The following SGSM2 variants were observed in gnomAD, a reference collection of about 807,000 sequenced individuals.
The protein encoded by SGSM2 is RUN and TBC1 domain containing 1.
A neutral mutation model predicts 126.6 loss-of-function variants in SGSM2; 89 were observed. The observed-to-expected ratio is 0.70, with a 90% CI of 0.59 to 0.84. The LOEUF (loss-of-function observed/expected upper bound fraction) is 0.84. Among genes scored for constraint, SGSM2 ranks in the 40% least tolerant of loss-of-function variants. SGSM2 has a pLI of 0.00. For synonymous variants in SGSM2, 614 were observed against 574.3 expected, an observed-to-expected ratio of 1.07 and a Z score of -0.99; for missense variants, 1,404 against 1,416.6, an observed-to-expected ratio of 0.99 and a Z score of 0.14.
rs1250178790 is a variant in SGSM2, at chr17:2,376,797, C to T, written c.2674C>T (p.Leu892=). Residue 892 remains leucine (L), a synonymous_variant, in exon 20 of 24, where the codon CTG becomes TTG. Coordinates refer to ENST00000268989, the MANE Select transcript of SGSM2 (RefSeq NM_014853.3). ...QGMCDLLAPL[L]VTLDNDQLAY... ...CATGTGCGATCTGCTGGCGCCTCTC[C>T]TGGTCACCCTCGACAATGGTGAGGG... 6.2e-7 allele frequency: 1 copy of T among 1,614,014 alleles called. No individual in the cohort carries two copies. Among genetic ancestry groups the T allele is most frequent in the Non-Finnish European group, 8.5e-7 (1 of 1,180,042 alleles).
intron 2 of SGSM2, among the ~76,000 whole-genome samples, chr17:2,344,432 G>A (rs950033762): frequency 1.3e-5 from 2 of 152,188 alleles, no homozygotes; most frequent in Admixed American, 1.3e-4. Context: ...TGGGGTTTGT[G>A]GAGGGAAAAT....
chr17:2,344,123 A>G (rs1179097717), intron 2 of SGSM2, among the ~76,000 whole-genome samples: 1 of 152,138 alleles, frequency 6.6e-6, no homozygotes, highest in Non-Finnish European at 1.5e-5. Flanking sequence ...ACTGGATGCA[A>G]AGGAGCCTGA....
chr17:2,347,409 A>ATT lies in SGSM2; in HGVS notation c.133+3806_133+3807dup, dbSNP rs370675318. On this transcript the variant is annotated intron_variant, in intron 2 of 23. Transcript: ENST00000268989. ...GGTGTGAACCATCACACCCGGCCTC[A>ATT]TTTTTTTTTTTTTTTTTTAAACAAA... Among the ~76,000 whole-genome samples the ATT allele has an allele frequency of 5.0e-4, 65 of 131,302 alleles. No individual in the cohort carries two copies. The East Asian group carries it at 8.0e-3, about 16-fold the overall frequency. The allele number at this position is 131,302 out of a possible 152,430, so 86.1% of individuals were successfully genotyped here. A position where few individuals can be genotyped will look rare whatever the true frequency, so the allele number is the denominator to read the frequency against.
intron 19 of SGSM2, 47 bp downstream of exon 19, chr17:2,376,308 C>G (rs1224108935): frequency 1.3e-6 from 2 of 1,487,946 alleles, no homozygotes; most frequent in Admixed American, 3.9e-5. Flanking sequence ...ACCCTGCCGC[C>G]AGTTACTCTG....
Position 2,380,597 on chromosome 17 carries a change from G to A in SGSM2, c.*1077G>A, listed in dbSNP as rs144671526. ...ACCCCCTTGGAGGAGCTGTGTATGC[G>A]GGGGTGCCAGGAAGGGCATAGCTCC... is the stretch of plus-strand genomic sequence containing the variant. On this transcript the variant is annotated 3_prime_UTR_variant, in exon 24 of 24. Coordinates refer to ENST00000268989, the MANE Select transcript of SGSM2 (RefSeq NM_014853.3). 2.2e-3 allele frequency: 1,044 copies of A among 475,098 alleles called. 16 individuals are homozygous for A. In the Admixed American group the frequency reaches 0.029, roughly 13 times the overall value. The allele number at this position is 475,098 out of a possible 1,614,324, so 29.4% of individuals were successfully genotyped here.
Position 2,364,690 on chromosome 17 carries a change from G to C in SGSM2, c.1000+27G>C, listed in dbSNP as rs781286066. On this transcript the variant is annotated intron_variant, in intron 9 of 23. Transcript: ENST00000268989. The stretch of plus-strand genomic sequence containing the variant: ...TAAGCCTGCCTTGTCCTCGGCTCGG[G>C]TGGGAAGGGAGAGGCTGCCTTCTGC... 4 of 1,613,628 alleles carry C rather than the reference G, an allele frequency of 2.5e-6. No homozygotes were observed. In the African/African-American group the frequency reaches 5.3e-5, roughly 22 times the overall value.
intron 2 of SGSM2, among the ~76,000 whole-genome samples, chr17:2,353,611 A>T (rs1353220510): frequency 2.0e-5 from 3 of 152,030 alleles, no homozygotes; most frequent in Non-Finnish European, 4.4e-5. Context: ...AAAAATTTTT[A>T]AAAATTAGCC....
intron 2 of SGSM2, among the ~76,000 whole-genome samples, chr17:2,344,970 C>T (rs1378471440): frequency 6.6e-6 from 1 of 152,172 alleles, no homozygotes; most frequent in African/African-American, 2.4e-5. Flanking sequence ...CCTCCTTTGG[C>T]TGTTGAGGCT....
At chr17:2,368,915 G>A (rs951919065) in intron 12 of SGSM2, among the ~76,000 whole-genome samples, 1 of 152,178 alleles carries the variant, frequency 6.6e-6, no homozygotes, top group Non-Finnish European at 1.5e-5. Context: ...CAGAGCCCTT[G>A]GCAGACTCGG....
intron 1 of SGSM2, among the ~76,000 whole-genome samples, chr17:2,343,210 G>A (rs1366492421): frequency 6.6e-6 from 1 of 152,192 alleles, no homozygotes; most frequent in South Asian, 2.1e-4. Flanking sequence ...CTAAAGGACA[G>A]TATATCTGCC....
chr17:2,376,436 AG>A, intron 19 of SGSM2, 175 bp downstream of exon 19: 1 of 763,426 alleles, frequency 1.3e-6, no homozygotes, highest in African/African-American at 1.8e-5. Flanking sequence ...CTTCATTCTT[AG>A]GGGCCTACCA....
Position 2,379,028 on chromosome 17 carries a change from C to G in SGSM2, c.2900-8C>G. 6.2e-7 allele frequency: 1 copy of G among 1,611,808 alleles called. No individual in the cohort carries two copies. The highest frequency in any genetic ancestry group is 8.5e-7 in the Non-Finnish European group (1 of 1,178,312). The stretch of plus-strand genomic sequence containing the variant: ...GACGGGTGAGCAGCAGCCGCTTACT[C>G]TCCGCAGAACTGCTGTATGAGGATG... On this transcript the variant is annotated splice_region_variant and splice_polypyrimidine_tract_variant and intron_variant, in intron 22 of 23. Coordinates refer to ENST00000268989, the MANE Select transcript of SGSM2 (RefSeq NM_014853.3).
intron 2 of SGSM2, among the ~76,000 whole-genome samples, chr17:2,350,466 C>T (rs757820744): frequency 1.0e-3 from 158 of 151,468 alleles, no homozygotes; most frequent in Non-Finnish European, 1.9e-3. Context: ...AAAAATGTGC[C>T]GGGTGTGGTG....
At chr17:2,360,385 C>T (rs1169366474) in intron 2 of SGSM2, among the ~76,000 whole-genome samples, 1 of 152,194 alleles carries the variant, frequency 6.6e-6, no homozygotes, top group Non-Finnish European at 1.5e-5. Context: ...ACCTCAATTT[C>T]CCTGTCTCCA....
At chr17:2,371,238 C>T (rs1597379435) in intron 12 of SGSM2, 24 bp from the exon 13 acceptor site, 1 of 1,603,746 alleles carries the variant, frequency 6.2e-7, no homozygotes, top group South Asian at 1.1e-5. Flanking sequence ...CAGGCCCTGA[C>T]CATGCCACCC....
chr17:2,343,298 T>C (rs761175617), intron 1 of SGSM2, among the ~76,000 whole-genome samples: 1 of 152,176 alleles, frequency 6.6e-6, no homozygotes, highest in Admixed American at 6.5e-5. Flanking sequence ...CACTTCCACC[T>C]GGGCTGGAAC....
At chr17:2,364,435 G>A in intron 8 of SGSM2, 161 bp from the exon 9 acceptor site, 2 of 847,750 alleles carry the variant, frequency 2.4e-6, no homozygotes, top group East Asian at 2.6e-5. Flanking sequence ...TGCCGAGCGG[G>A]CAGCACAGAT....
chr17:2,368,734 T>C (rs1597373240), intron 12 of SGSM2, among the ~76,000 whole-genome samples: 1 of 151,840 alleles, frequency 6.6e-6, no homozygotes, highest in East Asian at 1.9e-4. Context: ...CTGATGTTTA[T>C]TGCCTACACA....
At chr17:2,350,359 C>T (rs1263142072) in intron 2 of SGSM2, among the ~76,000 whole-genome samples, 3 of 151,742 alleles carry the variant, frequency 2.0e-5, no homozygotes. Context: ...CCTGTAATCG[C>T]AGCACTTTGA....
Sources: allele counts gnomAD v4.1 joint callset (sites outside exome capture counted in the v4.1 genomes callset), GRCh38; gene constraint gnomAD v4.1.1; transcripts MANE v1.5; gene names NCBI Gene and HGNC (gene_info 2026-07-23, HGNC 2026-07-21).